The following HGSNAT variants were observed in gnomAD, a reference collection of about 807,000 sequenced individuals.
HGSNAT encodes heparan-alpha-glucosaminide N-acetyltransferase.
Under a neutral mutation model 85.2 loss-of-function variants are expected in HGSNAT, and 59 were observed. The ratio of observed to expected loss-of-function variants is 0.69; its 90% CI spans 0.56 to 0.86. The LOEUF is 0.86. Among genes scored for constraint, HGSNAT ranks in the 40% least tolerant of loss-of-function variants. The probability of loss-of-function intolerance (pLI) is 0.00; values close to 1 mark genes in which losing one functional copy is unlikely to be tolerated. For missense variants in HGSNAT, 756 were observed against 777.1 expected (o/e 0.97, Z 0.32); for synonymous variants, 321 against 304.5 (o/e 1.05, Z -0.56).
chr8:43,173,805 T>G, intron 9 of HGSNAT, 62 bp downstream of exon 9: 2 of 1,537,876 alleles, frequency 1.3e-6, no homozygotes, highest in Admixed American at 1.8e-5. Flanking sequence ...GTTTTTCAGA[T>G]GATGCTGGAG....
In HGSNAT at chr8:43,196,285, AG is replaced by A. The variant is rs1380504978; in HGVS notation, c.1465-662del. 3 of 360,536 alleles carry A rather than the reference AG, an allele frequency of 8.3e-6. 1 individual carries two copies. Among genetic ancestry groups the A allele is most frequent in the Admixed American group, 7.5e-5 (2 of 26,538 alleles). The allele number at this position is 360,536 out of a possible 1,614,324, so 22.3% of individuals were successfully genotyped here. On this transcript the variant is annotated intron_variant, in intron 14 of 17. Coordinates refer to ENST00000379644, the MANE Select transcript of HGSNAT (RefSeq NM_152419.3). ...AGCTATTACTATAAATTATTTTTAA[AG>A]CTTCTCATCCTTTGATGTTTTCAAA...
intron 5 of HGSNAT, among the ~76,000 whole-genome samples, chr8:43,162,726 T>A (rs970826447): frequency 6.6e-6 from 1 of 151,908 alleles, no homozygotes; most frequent in Non-Finnish European, 1.5e-5. Flanking sequence ...TAATGGTTTT[T>A]TTTTTTTTAA....
chr8:43,185,392 T>C (rs1225538334), intron 11 of HGSNAT, among the ~76,000 whole-genome samples: 1 of 152,194 alleles, frequency 6.6e-6, no homozygotes, highest in African/African-American at 2.4e-5. Flanking sequence ...TTATTCTCTT[T>C]GAAGCAATTG....
intron 11 of HGSNAT, 144 bp from the exon 12 acceptor site, chr8:43,191,330 A>G (rs1176360074): frequency 2.3e-6 from 2 of 882,116 alleles, no homozygotes; most frequent in African/African-American, 1.7e-5. Flanking sequence ...GAACATCTGG[A>G]GAACCTAACG....
intron 11 of HGSNAT, among the ~76,000 whole-genome samples, chr8:43,183,269 C>T (rs146078656): frequency 1.4e-3 from 206 of 152,176 alleles, no homozygotes; most frequent in African/African-American, 4.7e-3. Context: ...CAGGCTCAAG[C>T]GATTCTCCTA....
intron 14 of HGSNAT, chr8:43,196,397 C>T (rs1804727428): frequency 8.3e-7 from 1 of 1,204,856 alleles, no homozygotes. Context: ...CACCCTGCCT[C>T]TGGTTCCACC....
rs1321515975 is a variant in HGSNAT, at chr8:43,170,593, A to T, written c.642A>T (p.Gly214=). 1.2e-6 allele frequency: 2 copies of T among 1,606,544 alleles called. No homozygotes were observed. Among genetic ancestry groups the T allele is most frequent in the South Asian group, 2.2e-5 (2 of 89,386 alleles). ...ETDRLINSEL[G]SPSRTDPLDG... ...TCCCTTTTTTTCTGAAGGAGCTGGG[A>T]TCTCCCAGCAGGACAGACCCTCTCG... Residue 214 remains glycine, a synonymous_variant, in exon 7 of 18, where the codon GGA becomes GGT. Transcript: ENST00000379644.
Position 43,167,672 on chromosome 8 carries a change from A to G in HGSNAT, c.564-1501A>G, listed in dbSNP as rs144124986. Among the ~76,000 whole-genome samples the G allele has an allele frequency of 8.5e-3, 1,300 of 152,240 alleles. 17 individuals are homozygous for G. Among genetic ancestry groups the G allele is most frequent in the African/African-American group, 0.03 (1,231 of 41,532 alleles). On this transcript the variant is annotated intron_variant, in intron 5 of 17. Transcript: ENST00000379644. ...GCCTTATTGTGGTGGTCTGGGACCAAGCCTGCAGTGTCTTGAGCTATGCCT... is the reference window on the plus strand; with the variant it reads ...GCCTTATTGTGGTGGTCTGGGACCAGGCCTGCAGTGTCTTGAGCTATGCCT...
At chr8:43,143,991 C>A (rs1289259478) in intron 1 of HGSNAT, among the ~76,000 whole-genome samples, 1 of 152,056 alleles carries the variant, frequency 6.6e-6, no homozygotes, top group East Asian at 1.9e-4. Flanking sequence ...TAATGCATAT[C>A]AGAAGCTATT....
At chr8:43,183,077 T>G (rs1308434882) in intron 11 of HGSNAT, among the ~76,000 whole-genome samples, 3 of 152,218 alleles carry the variant, frequency 2.0e-5, no homozygotes, top group Non-Finnish European at 4.4e-5. Context: ...CAAATCAGGG[T>G]AATTAGCATA....
Position 43,193,856 on chromosome 8 carries a change from T to C in HGSNAT, c.1464+13T>C. ...TTTAGGAGTTCAGGTATTTGTTCAT[T>C]TCATTAGGTTACTTTTTCTGACAAT... On this transcript the variant is annotated intron_variant, in intron 14 of 17. Coordinates refer to ENST00000379644, the MANE Select transcript of HGSNAT (RefSeq NM_152419.3). 6.2e-7 allele frequency: 1 copy of C among 1,611,102 alleles called. No homozygotes were observed. Among genetic ancestry groups the C allele is most frequent in the Non-Finnish European group, 8.5e-7 (1 of 1,177,576 alleles).
At chr8:43,175,097 G>GT (rs1349967819) in intron 9 of HGSNAT, among the ~76,000 whole-genome samples, 1 of 152,142 alleles carries the variant, frequency 6.6e-6, no homozygotes, top group East Asian at 1.9e-4. Flanking sequence ...GTACTTCATT[G>GT]TGTATATACA....
At chr8:43,186,211 T>A (rs1266506489) in intron 11 of HGSNAT, among the ~76,000 whole-genome samples, 1 of 152,376 alleles carries the variant, frequency 6.6e-6, no homozygotes, top group East Asian at 1.9e-4. Context: ...TCAGAAGGAA[T>A]GGTACCAGCT....
At position 43,182,186 on chromosome 8, in the gene HGSNAT, T is replaced by C. The variant is rs1804150187; in HGVS notation, c.1054T>C (p.Leu352=). 1 of 1,614,008 alleles carries C rather than the reference T, an allele frequency of 6.2e-7. No individual in the cohort carries two copies. The highest frequency in any genetic ancestry group is 2.2e-5 in the East Asian group (1 of 44,888). Residue 352 remains leucine (L), a synonymous_variant, in exon 11 of 18, where the codon TTG becomes CTG. Coordinates refer to ENST00000379644, the MANE Select transcript of HGSNAT (RefSeq NM_152419.3). ...KVRIPGVLQR[L]GVTYFVVAVL... Reference sequence around the variant, plus strand: ...GCGCATTCCTGGTGTGCTGCAGCGATTGGGAGTGACATACTTTGTGGTTGC... The same window carrying C: ...GCGCATTCCTGGTGTGCTGCAGCGACTGGGAGTGACATACTTTGTGGTTGC...
chr8:43,148,482 G>A (rs1386348711), intron 2 of HGSNAT, among the ~76,000 whole-genome samples: 2 of 151,494 alleles, frequency 1.3e-5, no homozygotes, highest in Non-Finnish European at 2.9e-5. Context: ...TGATGCTGTG[G>A]ACAAATTAAA....
In HGSNAT at chr8:43,172,299, GCTT is replaced by G. The variant is rs776162529; in HGVS notation, c.744-5_744-3del. On this transcript the variant is annotated splice_polypyrimidine_tract_variant and splice_region_variant and intron_variant, in intron 7 of 17. Coordinates refer to ENST00000379644, the MANE Select transcript of HGSNAT (RefSeq NM_152419.3). The stretch of plus-strand genomic sequence containing the variant: ...AACCCTGAAAGGCTTCTCTTTGTTG[GCTT>G]CTTCTAGGATTGCTCTTATACTCAT... The G allele has an allele frequency of 4.4e-6, 7 of 1,601,916 alleles. No individual in the cohort carries two copies. In the South Asian group the frequency reaches 5.5e-5, roughly 13 times the overall value.
chr8:43,186,490 C>A (rs528929020), intron 11 of HGSNAT, among the ~76,000 whole-genome samples: 18 of 151,946 alleles, frequency 1.2e-4, no homozygotes, highest in African/African-American at 4.3e-4. Context: ...GTGATATCAC[C>A]CTTATCATTT....
intron 11 of HGSNAT, among the ~76,000 whole-genome samples, chr8:43,187,241 T>G (rs1471503016): frequency 6.6e-6 from 1 of 152,276 alleles, no homozygotes; most frequent in South Asian, 2.1e-4. Flanking sequence ...TGACAGTGGG[T>G]TGTTAAAGTC....
chr8:43,194,438 G>A (rs2130812264), intron 14 of HGSNAT: 2 of 985,424 alleles, frequency 2.0e-6, no homozygotes, highest in Non-Finnish European at 2.4e-6. Context: ...TGTGCAGAGT[G>A]TGTGGGTATT....
Sources: gnomAD v4.1 joint callset for allele counts (sites outside exome capture counted in the v4.1 genomes callset) on GRCh38, gnomAD v4.1.1 for gene constraint, MANE v1.5 for transcripts, NCBI Gene and HGNC (gene_info 2026-07-23, HGNC 2026-07-21) for gene names.